Variants in LAMA1 observed in about 807,000 individuals in gnomAD.
LAMA1 encodes laminin subunit alpha 1, also known as laminin subunit alpha-1.
LAMA1 carries 219 observed loss-of-function variants against 348.7 expected under a neutral mutation model. The ratio of observed to expected loss-of-function variants is 0.63; its 90% CI spans 0.56 to 0.70. LAMA1 has a LOEUF of 0.70. Among genes scored for constraint, LAMA1 ranks in the 30% least tolerant of loss-of-function variants. The probability of loss-of-function intolerance (pLI) is 0.00; values close to 1 mark genes in which losing one functional copy is unlikely to be tolerated. For synonymous variants in LAMA1, 1,487 were observed against 1,491.0 expected (o/e 1.00, Z 0.06); for missense variants, 3,744 against 3,888.0 (o/e 0.96, Z 0.99).
intron 7 of LAMA1, among the ~76,000 whole-genome samples, chr18:7,043,724 C>T (rs990706878): frequency 6.6e-5 from 10 of 152,230 alleles, no homozygotes; most frequent in African/African-American, 2.4e-4. Flanking sequence ...GACTAATAAC[C>T]ATCAAAATAA....
chr18:7,045,809 T>C (rs1156439255), intron 6 of LAMA1, among the ~76,000 whole-genome samples: 1 of 152,140 alleles, frequency 6.6e-6, no homozygotes, highest in Non-Finnish European at 1.5e-5. Context: ...TCCACCCGCC[T>C]CTGCCTCCCA....
In LAMA1 at chr18:6,962,271, A is replaced by G. The variant is rs538181985; in HGVS notation, c.7338-212T>C. Among the ~76,000 whole-genome samples, 5 of 152,130 alleles carry G rather than the reference A, an allele frequency of 3.3e-5. No individual in the cohort carries two copies. The East Asian group carries it at 7.8e-4, about 24-fold the overall frequency. ...ACCCTGTCTCTACAAAAAATAAAAA[A>G]TTAGCCAGGCATGGTAGCATGCACT... is the stretch of plus-strand genomic sequence containing the variant. On this transcript the variant is annotated intron_variant, in intron 51 of 62. Transcript: ENST00000389658.
At chr18:6,993,919 T>C (rs1418616298) in intron 34 of LAMA1, among the ~76,000 whole-genome samples, 167 bp from the exon 35 acceptor site, 3 of 152,202 alleles carry the variant, frequency 2.0e-5, no homozygotes, top group South Asian at 4.1e-4. Flanking sequence ...CTTAATATTT[T>C]GGGGTTAGAA....
intron 1 of LAMA1, among the ~76,000 whole-genome samples, chr18:7,098,400 T>C (rs1404530926): frequency 6.8e-6 from 1 of 146,266 alleles, no homozygotes; most frequent in Non-Finnish European, 1.5e-5. Flanking sequence ...ACCTAGGAAG[T>C]GAGGAGCACC....
intron 3 of LAMA1, among the ~76,000 whole-genome samples, 161 bp from the exon 4 acceptor site, chr18:7,051,097 T>C (rs1470429252): frequency 6.6e-6 from 1 of 152,050 alleles, no homozygotes; most frequent in African/African-American, 2.4e-5. Flanking sequence ...GAGAGGGGAA[T>C]AGGGAGATGG....
At chr18:7,021,845 T>TA (rs1411492327) in intron 19 of LAMA1, among the ~76,000 whole-genome samples, 1 of 61,670 alleles carries the variant, frequency 1.6e-5, no homozygotes, top group African/African-American at 1.3e-4. Context: ...TAATATATTA[T>TA]ATTATATTAT....
At chr18:7,030,660 C>G (rs1302416385) in intron 16 of LAMA1, among the ~76,000 whole-genome samples, 1 of 152,048 alleles carries the variant, frequency 6.6e-6, no homozygotes. Flanking sequence ...ATGTTTAAAG[C>G]TATAAAATTA....
intron 57 of LAMA1, chr18:6,954,376 G>C (rs2057564456): frequency 6.6e-6 from 1 of 152,508 alleles, no homozygotes. Context: ...ACCTATCTGG[G>C]GGATGAATTG....
chr18:7,085,404 CTT>C (rs2058210677), intron 1 of LAMA1, among the ~76,000 whole-genome samples: 1 of 134,132 alleles, frequency 7.5e-6, no homozygotes, highest in South Asian at 2.4e-4. Context: ...TTTTTTTCTT[CTT>C]CTTCTTCTTT....
intron 19 of LAMA1, among the ~76,000 whole-genome samples, chr18:7,020,285 C>G (rs113583999): frequency 6.6e-6 from 1 of 152,124 alleles, no homozygotes. Flanking sequence ...GTGAACCTGA[C>G]GATCAGTTTC....
At chr18:7,039,709 T>G (rs951843181) in intron 10 of LAMA1, among the ~76,000 whole-genome samples, 2 of 152,154 alleles carry the variant, frequency 1.3e-5, no homozygotes, top group Admixed American at 1.3e-4. Context: ...ACAGGCAGTG[T>G]GTCAGATTTG....
chr18:6,981,681 G>GA (rs976999002), intron 41 of LAMA1, among the ~76,000 whole-genome samples: 33 of 151,378 alleles, frequency 2.2e-4, no homozygotes, highest in African/African-American at 5.8e-4. Flanking sequence ...CACTCAATGA[G>GA]AAAAAAAAAT....
chr18:6,999,530 C>T lies in LAMA1; in HGVS notation c.4578G>A (p.Gly1526=). ...SVHGDCDRTS[G]QCVCRLGASG... is the part of the protein sequence containing the mutation. ...AGGCCCCCAGCCTGCAAACGCACTG[C>T]CCAGATGTGCGGTCACAGTCACCGT... Residue 1526 remains glycine, a synonymous_variant, in exon 32 of 63, where the codon GGG becomes GGA. Transcript: ENST00000389658. 6.2e-7 allele frequency: 1 copy of T among 1,614,126 alleles called. No homozygotes were observed. The highest frequency in any genetic ancestry group is 2.2e-5 in the East Asian group (1 of 44,860).
chr18:6,998,311 G>A (rs777931629), intron 32 of LAMA1, among the ~76,000 whole-genome samples: 2 of 152,190 alleles, frequency 1.3e-5, no homozygotes, highest in South Asian at 2.1e-4. Flanking sequence ...AATGAAAGGC[G>A]AGGAAGGCAA....
rs761513960 is a variant in LAMA1 at position 7,013,999 on chromosome 18, G to A, written c.3179C>T (p.Thr1060Ile). ...TTTTGACTTGCACTGGCAATGGCCG[G>A]TGACCACATCGCACCGATGATGAGT... Reference protein sequence around the residue: ...GSTHHRCDVVTGHCQCKSKFG... With the variant: ...GSTHHRCDVVIGHCQCKSKFG... The change falls in exon 23 of 63, where the codon ACC becomes ATC. Residue 1060 changes from threonine (T) to isoleucine (I), a missense_variant. Physicochemically the swap from Thr to Ile is moderately conservative, Grantham distance 89. Transcript: ENST00000389658. 6.2e-7 allele frequency: 1 copy of A among 1,613,986 alleles called. No homozygotes were observed. Among genetic ancestry groups the A allele is most frequent in the African/African-American group, 1.3e-5 (1 of 75,054 alleles).
In LAMA1 at chr18:6,959,382, A is replaced by G. The variant is rs765903625; in HGVS notation, c.7737T>C (p.Ser2579=). 6.2e-7 allele frequency: 1 copy of G among 1,614,100 alleles called. No homozygotes were observed. Among genetic ancestry groups the G allele is most frequent in the East Asian group, 2.2e-5 (1 of 44,878 alleles). ...ALLHAPTGTC[S]DGQAHSISLV... ...AGGAGATGGAATGCGCTTGTCCATC[A>G]CTGCAGGTACCCGTGGGAGCGTGCA... The change falls in exon 54 of 63, where the codon AGT becomes AGC. Residue 2579 remains serine, a synonymous_variant. Transcript: ENST00000389658.
chr18:7,059,227 C>T (rs1475456846), intron 3 of LAMA1, among the ~76,000 whole-genome samples: 2 of 152,096 alleles, frequency 1.3e-5, no homozygotes, highest in African/African-American at 4.8e-5. Context: ...CAATAAAGTC[C>T]ACAATATTTC....
chr18:7,114,932 A>G (rs1045223531), intron 1 of LAMA1, among the ~76,000 whole-genome samples: 3 of 152,226 alleles, frequency 2.0e-5, no homozygotes, highest in African/African-American at 7.2e-5. Context: ...ATTTATTCTA[A>G]TATTCTTGAT....
chr18:7,091,154 C>A (rs2058238361), intron 1 of LAMA1, among the ~76,000 whole-genome samples: 1 of 152,184 alleles, frequency 6.6e-6, no homozygotes, highest in South Asian at 2.1e-4. Flanking sequence ...TTAATTCATT[C>A]ATCGTGAAGC....
Sources: allele counts gnomAD v4.1 joint callset (sites outside exome capture counted in the v4.1 genomes callset), GRCh38; gene constraint gnomAD v4.1.1; transcripts MANE v1.5; gene names NCBI Gene and HGNC (gene_info 2026-07-23, HGNC 2026-07-21).